Variants in TLE5 observed in about 807,000 individuals in gnomAD.
The protein encoded by TLE5 is TLE family member 5.
TLE5 carries 7 observed loss-of-function variants against 25.8 expected under a neutral mutation model. That is an observed-to-expected ratio of 0.27 (90% CI 0.15 to 0.51). The LOEUF is 0.51. TLE5 is among the 20% of genes least tolerant of loss of function. TLE5 has a pLI of 0.97. For missense variants in TLE5, 149 were observed against 250.7 expected (o/e 0.59, Z 2.74); for synonymous variants, 132 against 110.5 (o/e 1.20, Z -1.22).
intron 3 of TLE5, among the ~76,000 whole-genome samples, chr19:3,057,200 G>A (rs2090226380): frequency 1.3e-5 from 2 of 152,222 alleles, no homozygotes; most frequent in African/African-American, 4.8e-5. Context: ...CCGAGCAAGT[G>A]GTTCTGGCAG....
chr19:3,057,267 C>A (rs1769439659), intron 3 of TLE5, among the ~76,000 whole-genome samples: 1 of 152,256 alleles, frequency 6.6e-6, no homozygotes, highest in South Asian at 2.1e-4. Context: ...AGACCCCCTC[C>A]CACAGGCTTC....
At chr19:3,062,671 G>T (rs771831995), upstream of TLE5, 2 of 1,373,642 alleles carry the variant, frequency 1.5e-6, no homozygotes, top group South Asian at 3.2e-5. Flanking sequence ...CCCCCGCCCC[G>T]GGCAGCGGCC....
chr19:3,060,976 C>T, intron 2 of TLE5, 184 bp downstream of exon 2: 1 of 458,606 alleles, frequency 2.2e-6, no homozygotes, highest in East Asian at 3.5e-5. Context: ...TTTTGTGCCT[C>T]GGTTTTCTCC....
intron 1 of TLE5, among the ~76,000 whole-genome samples, chr19:3,061,889 G>GA (rs964589379): frequency 2.4e-5 from 3 of 127,058 alleles, no homozygotes; most frequent in African/African-American, 1.2e-4. Context: ...GGCGGGTTGG[G>GA]GGGGGGGGGC....
rs756419198 is a variant in TLE5 at position 3,056,272 on chromosome 19, AAGGAGG to A, written c.234+34_234+39del. On this transcript the variant is annotated intron_variant, in intron 4 of 6. Coordinates refer to ENST00000327141, the MANE Select transcript of TLE5 (RefSeq NM_001130.6). ...GGCTGGAGGTGGGGGGAGGAGGGGG[AAGGAGG>A]AGGAGGAGGAGGAGGAGGAGGAGAT... The A allele has an allele frequency of 3.6e-4, 437 of 1,203,656 alleles. 3 individuals carry two copies. The East Asian group carries it at 4.2e-3, about 11-fold the overall frequency. The allele number at this position is 1,203,656 out of a possible 1,614,324, so 74.6% of individuals were successfully genotyped here.
At chr19:3,056,526 A>C in intron 3 of TLE5, 170 bp from the exon 4 acceptor site, 2 of 590,078 alleles carry the variant, frequency 3.4e-6, no homozygotes, top group East Asian at 3.2e-5. Flanking sequence ...GAGGAGGGAG[A>C]GACGCCCACA....
Position 3,060,197 on chromosome 19 carries a change from C to T in TLE5, c.125+963G>A, listed in dbSNP as rs576708920. On this transcript the variant is annotated intron_variant, in intron 2 of 6. Coordinates refer to ENST00000327141, the MANE Select transcript of TLE5 (RefSeq NM_001130.6). ...GCGTGCCCCTCCAGAGCAGGGCAGG[C>T]GAGAACCTATATCCTTAAACCAGGA... 8.9e-4 allele frequency among the ~76,000 whole-genome samples: 136 copies of T among 152,086 alleles called. 1 individual carries two copies. The highest frequency in any genetic ancestry group is 3.1e-3 in the African/African-American group (127 of 41,470).
At chr19:3,061,896 G>C (rs907937130) in intron 1 of TLE5, among the ~76,000 whole-genome samples, 4 of 144,982 alleles carry the variant, frequency 2.8e-5, no homozygotes, top group South Asian at 2.3e-4. Flanking sequence ...TGGGGGGGGG[G>C]GGCGCCAAGC....
intron 5 of TLE5, 36 bp downstream of exon 5, chr19:3,055,628 C>T (rs1315877213): frequency 1.8e-5 from 28 of 1,557,694 alleles, no homozygotes; most frequent in Non-Finnish European, 2.3e-5. Context: ...AGTGCGGGGC[C>T]CCCTCACAAC....
chr19:3,061,293 G>A (rs369532971), intron 1 of TLE5, 36 bp from the exon 2 acceptor site: 2 of 1,547,348 alleles, frequency 1.3e-6, no homozygotes, highest in Non-Finnish European at 1.8e-6. Context: ...AGGCCCAGGC[G>A]TGGGCTGGAC....
At chr19:3,060,688 CGCAGCGTG>C (rs1351383789) in intron 2 of TLE5, among the ~76,000 whole-genome samples, 2 of 152,076 alleles carry the variant, frequency 1.3e-5, no homozygotes. Flanking sequence ...CCTTAGATAC[CGCAGCGTG>C]GCAAGCTCTT....
At chr19:3,056,526 A>G in intron 3 of TLE5, 170 bp from the exon 4 acceptor site, 1 of 590,094 alleles carries the variant, frequency 1.7e-6, no homozygotes, top group South Asian at 1.8e-5. Flanking sequence ...GAGGAGGGAG[A>G]GACGCCCACA....
chr19:3,057,767 G>C (rs375333346), intron 2 of TLE5, 25 bp from the exon 3 acceptor site: 4 of 1,612,364 alleles, frequency 2.5e-6, no homozygotes, highest in African/African-American at 1.3e-5. Flanking sequence ...GGGGGAGATG[G>C]GGTGGTTAGT....
upstream of TLE5, chr19:3,062,671 G>C (rs771831995): frequency 9.5e-6 from 13 of 1,373,540 alleles, no homozygotes; most frequent in South Asian, 1.9e-4. Flanking sequence ...CCCCCGCCCC[G>C]GGCAGCGGCC....
chr19:3,054,086 T>TGGGGGGGGGGGGCCG, intron 6 of TLE5, 34 bp downstream of exon 6: 1 of 1,512,816 alleles, frequency 6.6e-7, no homozygotes, highest in Non-Finnish European at 8.9e-7. Flanking sequence ...GGCCCACCTG[T>TGGGGGGGGGGGGCCG]CCCCCGCCCA....
intron 1 of TLE5, 31 bp downstream of exon 1, chr19:3,062,117 CGGGGGCGTAGGGCCCGGATCCGGGGT>C (rs1303801953): frequency 1.8e-5 from 12 of 685,544 alleles, no homozygotes; most frequent in East Asian, 2.5e-4. Context: ...AGCCGGGGGT[CGGGGGCGTAGGGCCCGGATCCGGGGT>C]GGGGGCGCCG....
rs1448959763 is a variant in TLE5, at chr19:3,056,049, G to A, written c.234+263C>T. 21 of 534,700 alleles carry A rather than the reference G, an allele frequency of 3.9e-5. 1 individual carries two copies. In the Admixed American group the frequency reaches 5.9e-4, roughly 15 times the overall value. The allele number at this position is 534,700 out of a possible 1,614,324, so 33.1% of individuals were successfully genotyped here. A position where few individuals can be genotyped will look rare whatever the true frequency, so the allele number is the denominator to read the frequency against. On this transcript the variant is annotated intron_variant, in intron 4 of 6. Coordinates refer to ENST00000327141, the MANE Select transcript of TLE5 (RefSeq NM_001130.6). ...GCTTGTGCGAATGTAGGGAGGGCTG[G>A]GGGCCGTAGGCTGTGGGGAAGGTCT...
upstream of TLE5, chr19:3,062,934 A>C: frequency 1.2e-6 from 1 of 860,782 alleles, no homozygotes; most frequent in Non-Finnish European, 1.8e-6. Flanking sequence ...ACATTTATAG[A>C]ACGCCTACTG....
At position 3,053,844 on chromosome 19, in the gene TLE5, T is replaced by C. The variant is rs1422750925; in HGVS notation, c.569A>G (p.Glu190Gly). The C allele has an allele frequency of 6.2e-7, 1 of 1,609,670 alleles. No homozygotes were observed. Among genetic ancestry groups the C allele is most frequent in the Non-Finnish European group, 8.5e-7 (1 of 1,177,626 alleles). Residue 190 changes from glutamate to glycine, a missense_variant, in exon 7 of 7, where the codon GAG (glutamate) becomes GGG (glycine). Transcript: ENST00000327141. ...KNGHDGDTHQ[E>G]DDGEKSD Reference sequence around the variant, plus strand: ...CTAATCCGACTTCTCGCCATCATCCTCCTGGTGGGTGTCACCATCGTGCCC... The same window carrying C: ...CTAATCCGACTTCTCGCCATCATCCCCCTGGTGGGTGTCACCATCGTGCCC...
Sources: allele counts gnomAD v4.1 joint callset (sites outside exome capture counted in the v4.1 genomes callset), GRCh38; gene constraint gnomAD v4.1.1; transcripts MANE v1.5; gene names NCBI Gene and HGNC (gene_info 2026-07-23, HGNC 2026-07-21).